Variants in RORA observed in about 807,000 individuals in gnomAD.
The protein encoded by RORA is RAR related orphan receptor A.
Under a neutral mutation model 69.5 loss-of-function variants are expected in RORA, and 7 were observed. That is an observed-to-expected ratio of 0.10 (90% CI 0.06 to 0.19). The LOEUF (loss-of-function observed/expected upper bound fraction) is 0.19, where lower values mean the gene tolerates loss of function less well. Among genes scored for constraint, RORA ranks in the 10% least tolerant of loss-of-function variants. The pLI is 1.00. For missense variants in RORA, 457 were observed against 663.0 expected (o/e 0.69, Z 3.41); for synonymous variants, 261 against 240.8 (o/e 1.08, Z -0.78).
At chr15:60,963,667 T>G (rs969327472) in intron 1 of RORA, among the ~76,000 whole-genome samples, 1 of 152,220 alleles carries the variant, frequency 6.6e-6, no homozygotes, top group Non-Finnish European at 1.5e-5. Context: ...TGAAGCCCTT[T>G]CTGAGCACTA....
intron 1 of RORA, among the ~76,000 whole-genome samples, chr15:60,832,943 C>T (rs143221242): frequency 0.015 from 2,256 of 151,796 alleles, 71 homozygotes; most frequent in African/African-American, 0.052. Flanking sequence ...CTCACTGTGT[C>T]GCCCAGGCTG....
At chr15:60,525,724 G>A (rs1180710912) in intron 3 of RORA, among the ~76,000 whole-genome samples, 1 of 152,118 alleles carries the variant, frequency 6.6e-6, no homozygotes, top group African/African-American at 2.4e-5. Flanking sequence ...TGCTGAAGTG[G>A]GTGTATGTCT....
intron 1 of RORA, among the ~76,000 whole-genome samples, chr15:61,227,130 T>TGG (rs138155267): frequency 7.2e-6 from 1 of 139,014 alleles, no homozygotes; most frequent in African/African-American, 2.6e-5. Flanking sequence ...ACACAGGGTG[T>TGG]GGGGGGGTCA....
chr15:60,570,922 C>T (rs978021946), intron 2 of RORA, among the ~76,000 whole-genome samples: 1 of 152,176 alleles, frequency 6.6e-6, no homozygotes, highest in African/African-American at 2.4e-5. Context: ...TCTCAGGCCT[C>T]TCTCATGATC....
intron 1 of RORA, among the ~76,000 whole-genome samples, chr15:61,125,474 G>C (rs370157078): frequency 1.3e-5 from 2 of 152,154 alleles, no homozygotes; most frequent in Admixed American, 1.3e-4. Context: ...TGGGCACAAA[G>C]AGCCAACAAA....
intron 1 of RORA, among the ~76,000 whole-genome samples, chr15:60,946,947 C>G (rs1016321311): frequency 1.3e-5 from 2 of 152,042 alleles, no homozygotes; most frequent in African/African-American, 4.8e-5. Context: ...AGGAGCGTCT[C>G]TGCCCCGCCG....
chr15:61,098,533 G>C (rs1447348659), intron 1 of RORA, among the ~76,000 whole-genome samples: 1 of 151,998 alleles, frequency 6.6e-6, no homozygotes, highest in Non-Finnish European at 1.5e-5. Flanking sequence ...GTAGAGACAG[G>C]AGTCTCACTA....
chr15:60,527,706 G>A (rs376503473), intron 3 of RORA, among the ~76,000 whole-genome samples: 4 of 152,206 alleles, frequency 2.6e-5, no homozygotes, highest in African/African-American at 4.8e-5. Context: ...AAGAGAACAA[G>A]TAAAATACGT....
At chr15:60,989,924 T>C (rs1894321017) in intron 1 of RORA, among the ~76,000 whole-genome samples, 1 of 152,202 alleles carries the variant, frequency 6.6e-6, no homozygotes. Context: ...AAGTAGTCCA[T>C]TCACAGGTCC....
At chr15:60,665,561 A>G (rs569804220) in intron 2 of RORA, among the ~76,000 whole-genome samples, 1 of 152,342 alleles carries the variant, frequency 6.6e-6, no homozygotes, top group East Asian at 1.9e-4. Flanking sequence ...ATTTAGCCCT[A>G]ATACTGAGAC....
At chr15:60,672,704 C>A (rs373766954) in intron 2 of RORA, among the ~76,000 whole-genome samples, 1 of 152,124 alleles carries the variant, frequency 6.6e-6, no homozygotes, top group Admixed American at 6.5e-5. Context: ...ATTTAAAATG[C>A]GGGTGCAAGC....
intron 10 of RORA, among the ~76,000 whole-genome samples, chr15:60,498,820 C>T (rs576939093): frequency 6.6e-6 from 1 of 151,490 alleles, no homozygotes; most frequent in African/African-American, 2.4e-5. Context: ...GCAATTAACC[C>T]CCAGTTACCC....
At chr15:60,916,119 T>C (rs1329694842) in intron 1 of RORA, among the ~76,000 whole-genome samples, 1 of 152,168 alleles carries the variant, frequency 6.6e-6, no homozygotes, top group Non-Finnish European at 1.5e-5. Flanking sequence ...TGAGGAGTGA[T>C]GGAGACAAGG....
intron 1 of RORA, among the ~76,000 whole-genome samples, chr15:60,811,065 G>A (rs980164242): frequency 3.3e-5 from 5 of 152,168 alleles, no homozygotes; most frequent in South Asian, 2.1e-4. Context: ...GAGAAAGCAG[G>A]GAGTCTTCAA....
At chr15:61,218,449 C>T (rs2080062525) in intron 1 of RORA, among the ~76,000 whole-genome samples, 1 of 151,966 alleles carries the variant, frequency 6.6e-6, no homozygotes, top group Admixed American at 6.6e-5. Context: ...AGAATCAGTT[C>T]CTTCAAAGGA....
intron 1 of RORA, among the ~76,000 whole-genome samples, chr15:61,198,983 C>T (rs1444786836): frequency 6.6e-6 from 1 of 152,190 alleles, no homozygotes; most frequent in African/African-American, 2.4e-5. Context: ...GCCCTTCTCT[C>T]ACCACCTGCT....
chr15:60,766,477 C>T (rs1258350597), intron 1 of RORA, among the ~76,000 whole-genome samples: 1 of 152,188 alleles, frequency 6.6e-6, no homozygotes, highest in Non-Finnish European at 1.5e-5. Flanking sequence ...CCCAAACACC[C>T]AGACAGGTAG....
intron 1 of RORA, among the ~76,000 whole-genome samples, chr15:60,970,272 G>A (rs1313361464): frequency 6.6e-6 from 1 of 152,186 alleles, no homozygotes; most frequent in Non-Finnish European, 1.5e-5. Context: ...TAAATGAGAA[G>A]GAAACAAAGT....
intron 2 of RORA, among the ~76,000 whole-genome samples, chr15:60,613,673 A>G (rs1015712439): frequency 5.3e-5 from 8 of 149,612 alleles, no homozygotes; most frequent in Admixed American, 1.3e-4. Context: ...GAAAATAATA[A>G]TCACAAAATC....
Sources: allele counts gnomAD v4.1 joint callset (sites outside exome capture counted in the v4.1 genomes callset), GRCh38; gene constraint gnomAD v4.1.1; transcripts MANE v1.5; gene names NCBI Gene and HGNC (gene_info 2026-07-23, HGNC 2026-07-21).